Variants in DYM observed in about 807,000 individuals in gnomAD.
DYM encodes the protein dymeclin.
A neutral mutation model predicts 93.1 loss-of-function variants in DYM; 78 were observed. The ratio of observed to expected loss-of-function variants is 0.84; its 90% confidence interval spans 0.70 to 1.01. The LOEUF (loss-of-function observed/expected upper bound fraction) is 1.01, where lower values mean the gene tolerates loss of function less well. Ranked by LOEUF, DYM falls within the 50% of genes least tolerant of loss-of-function variation. DYM has a pLI of 0.00. For missense variants in DYM, 789 were observed against 845.0 expected, an observed-to-expected ratio of 0.93 and a Z score of 0.82; for synonymous variants, 321 against 319.7, an observed-to-expected ratio of 1.00 and a Z score of -0.04.
intron 6 of DYM, among the ~76,000 whole-genome samples, chr18:49,353,450 G>C (rs2065285890): frequency 6.6e-6 from 1 of 151,974 alleles, no homozygotes; most frequent in African/African-American, 2.4e-5. Flanking sequence ...AAAAGAAAGA[G>C]AACTGAATGA....
intron 15 of DYM, among the ~76,000 whole-genome samples, chr18:49,158,186 C>T (rs893339074): frequency 3.9e-5 from 6 of 152,144 alleles, no homozygotes; most frequent in African/African-American, 1.4e-4. Flanking sequence ...AAGTTTTTCT[C>T]TCTCACTTTC....
At chr18:49,070,515 C>A (rs1303956512) in intron 17 of DYM, among the ~76,000 whole-genome samples, 2 of 152,214 alleles carry the variant, frequency 1.3e-5, no homozygotes, top group East Asian at 3.9e-4. Context: ...ACCACTGCAG[C>A]TCAAAGTCCT....
chr18:49,384,659 T>C (rs983454440), intron 3 of DYM, among the ~76,000 whole-genome samples: 3 of 149,536 alleles, frequency 2.0e-5, no homozygotes, highest in African/African-American at 7.4e-5. Context: ...AGCCTGACAT[T>C]AAAAGATCTA....
intron 14 of DYM, among the ~76,000 whole-genome samples, chr18:49,200,110 A>T (rs8087711): frequency 0.78 from 118,329 of 151,942 alleles, 46,223 homozygotes; most frequent in Non-Finnish European, 0.81. Flanking sequence ...GTTCTTTGCC[A>T]ATTAATAAAG....
chr18:49,430,849 C>T (rs1034307074), intron 1 of DYM, among the ~76,000 whole-genome samples: 30 of 149,780 alleles, frequency 2.0e-4, no homozygotes, highest in African/African-American at 7.1e-4. Flanking sequence ...CGCGCCACTG[C>T]ACTCCAGCCT....
Position 49,085,606 on chromosome 18 carries a change from C to CTTTTTTTTTT in DYM, c.2025+11786_2025+11795dup, listed in dbSNP as rs11437833. ...GGCAGATGAATAAGGACAACTGGTC[C>CTTTTTTTTTT]TTTTTTTTTTTTTTTTTTTTTGATG... On this transcript the variant is annotated intron_variant, in intron 17 of 17. Transcript: ENST00000675505. 5.3e-3 allele frequency among the ~76,000 whole-genome samples: 542 copies of CTTTTTTTTTT among 102,146 alleles called. 39 individuals carry two copies. Among genetic ancestry groups the CTTTTTTTTTT allele is most frequent in the Middle Eastern group, 8.8e-3 (1 of 114 alleles). The allele number at this position is 102,146 out of a possible 152,430, so 67.0% of individuals were successfully genotyped here.
Position 49,068,763 on chromosome 18 carries a change from A to G in DYM, c.2026-24559T>C, listed in dbSNP as rs549187020. On this transcript the variant is annotated intron_variant, in intron 17 of 17. Coordinates refer to ENST00000675505, the MANE Select transcript of DYM (RefSeq NM_001353214.3). ...GAATAAAAGAGTGGAAATCTAAAAG[A>G]AGGAAACAGCTTCTCCTATTTCCTC... Among the ~76,000 whole-genome samples, 5 of 152,356 alleles carry G rather than the reference A, an allele frequency of 3.3e-5. No individual in the cohort carries two copies. In the East Asian group the frequency reaches 9.6e-4, roughly 29 times the overall value.
In DYM at chr18:49,190,086, A is replaced by T. The variant is rs371609507; in HGVS notation, c.1625+19465T>A. On this transcript the variant is annotated intron_variant, in intron 14 of 17. Transcript: ENST00000675505. ...GAAAACAGCAAGATAATCACAGAAC[A>T]GATAACTGTCCATTGTGTTTTACTG... Among the ~76,000 whole-genome samples, 13 of 152,378 alleles carry T rather than the reference A, an allele frequency of 8.5e-5. No homozygotes were observed. The East Asian group carries it at 2.5e-3, about 29-fold the overall frequency.
At chr18:49,217,202 GA>G (rs2093107643) in intron 13 of DYM, among the ~76,000 whole-genome samples, 1 of 152,222 alleles carries the variant, frequency 6.6e-6, no homozygotes, top group East Asian at 1.9e-4. Context: ...GAAGTTTAGA[GA>G]AAAAAGAATA....
chr18:49,350,676 A>G (rs2065029763), intron 6 of DYM, among the ~76,000 whole-genome samples: 1 of 146,644 alleles, frequency 6.8e-6, no homozygotes, highest in Non-Finnish European at 1.5e-5. Flanking sequence ...ATTGCACTCC[A>G]CCCTGGGTGA....
intron 13 of DYM, among the ~76,000 whole-genome samples, chr18:49,223,423 C>T (rs2093429706): frequency 1.3e-5 from 2 of 152,030 alleles, no homozygotes; most frequent in Non-Finnish European, 2.9e-5. Flanking sequence ...TTTACAAAAA[C>T]CTGCCTCTGC....
At chr18:49,403,723 T>C (rs957700937) in intron 2 of DYM, among the ~76,000 whole-genome samples, 11 of 152,164 alleles carry the variant, frequency 7.2e-5, no homozygotes, top group Non-Finnish European at 1.6e-4. Flanking sequence ...AACAGTTTTT[T>C]AACCCTTGTC....
At chr18:49,403,185 C>A (rs1303035125) in intron 2 of DYM, among the ~76,000 whole-genome samples, 1 of 152,184 alleles carries the variant, frequency 6.6e-6, no homozygotes, top group East Asian at 1.9e-4. Flanking sequence ...TCTTCCCCTG[C>A]ACTGAGCAGG....
At chr18:49,293,652 CT>C (rs1289226432) in intron 8 of DYM, among the ~76,000 whole-genome samples, 1 of 152,194 alleles carries the variant, frequency 6.6e-6, no homozygotes, top group African/African-American at 2.4e-5. Context: ...TATCCTCCCA[CT>C]TTTTGATGGG....
chr18:49,153,004 T>C (rs1468767984), intron 15 of DYM, among the ~76,000 whole-genome samples: 3 of 152,176 alleles, frequency 2.0e-5, no homozygotes, highest in East Asian at 1.9e-4. Context: ...CTTTCAGTTA[T>C]GTAAGATGAG....
intron 5 of DYM, among the ~76,000 whole-genome samples, chr18:49,364,060 A>G (rs762883606): frequency 6.6e-6 from 1 of 152,174 alleles, no homozygotes; most frequent in African/African-American, 2.4e-5. Context: ...CGTTTCAACT[A>G]TTGGCATGTT....
intron 15 of DYM, among the ~76,000 whole-genome samples, chr18:49,140,785 C>T (rs1366521800): frequency 6.6e-6 from 1 of 152,112 alleles, no homozygotes; most frequent in Non-Finnish European, 1.5e-5. Context: ...ATTTCATGCC[C>T]TTTCTTAGAC....
chr18:49,076,573 G>A (rs1167846166), intron 17 of DYM, among the ~76,000 whole-genome samples: 2 of 152,296 alleles, frequency 1.3e-5, no homozygotes, highest in East Asian at 3.9e-4. Flanking sequence ...TGACACCTGG[G>A]AAGAGGTGAA....
intron 13 of DYM, among the ~76,000 whole-genome samples, chr18:49,247,091 A>G (rs2094189107): frequency 6.6e-6 from 1 of 152,186 alleles, no homozygotes; most frequent in Non-Finnish European, 1.5e-5. Flanking sequence ...GTAGTTTACT[A>G]TCAAATACAT....
Sources: allele counts gnomAD v4.1 joint callset (sites outside exome capture counted in the v4.1 genomes callset), GRCh38; gene constraint gnomAD v4.1.1; transcripts MANE v1.5; gene names NCBI Gene and HGNC (gene_info 2026-07-23, HGNC 2026-07-21).